The following DHX33 variants were observed in gnomAD, a reference collection of about 807,000 sequenced individuals.
The protein encoded by DHX33 is ATP-dependent RNA helicase DHX33.
In DHX33, 42 loss-of-function variants were observed where a neutral mutation model predicts 72.5. The observed-to-expected ratio is 0.58, with a 90% CI of 0.45 to 0.75. The LOEUF is 0.75. DHX33 is among the 30% of genes least tolerant of loss of function. The probability of loss-of-function intolerance (pLI) is 0.00; values close to 1 mark genes in which losing one functional copy is unlikely to be tolerated. For synonymous variants in DHX33, 358 were observed against 366.1 expected, an observed-to-expected ratio of 0.98 and a Z score of 0.25; for missense variants, 842 against 917.5, an observed-to-expected ratio of 0.92 and a Z score of 1.06.
At position 5,453,849 on chromosome 17, in the gene DHX33, CA is replaced by C; in HGVS notation, c.1278del (p.Phe426LeufsTer4). 6.2e-7 allele frequency: 1 copy of C among 1,614,104 alleles called. No individual in the cohort carries two copies. Among genetic ancestry groups the C allele is most frequent in the Non-Finnish European group, 8.5e-7 (1 of 1,179,996 alleles). On this transcript the variant is annotated frameshift_variant, in exon 7 of 12. Coordinates refer to ENST00000225296, the MANE Select transcript of DHX33 (RefSeq NM_020162.4). LOFTEE classifies it high-confidence loss of function. ...RLYTEDEFEK[F>X]DKMTVPEIQR... ...TGGATCTCTGGCACGGTCATCTTAT[CA>C]AACTTCTCAAACTCGTCCTCCGTGT...
Position 5,456,117 on chromosome 17 carries a change from G to C in DHX33, c.915C>G (p.Ser305Arg), listed in dbSNP as rs773261203. The C allele has an allele frequency of 1.9e-6, 3 of 1,614,108 alleles. No individual in the cohort carries two copies. In the Admixed American group the frequency reaches 5.0e-5, roughly 27 times the overall value. Residue 305 changes from serine (S) to arginine (R), a missense_variant, in exon 5 of 12, where the codon AGC (serine) becomes AGG (arginine). Ser to Arg is a moderately radical substitution (Grantham distance 110, BLOSUM62 -1). Transcript: ENST00000225296. ...LTGQEEIEAMSKTCRDIAKHL... is the reference protein window; with the variant it reads ...LTGQEEIEAMRKTCRDIAKHL... ...GCTTTGCAATGTCTCGGCACGTCTT[G>C]CTCATGGCTTCGATCTCCTCCTGCC...
chr17:5,455,535 C>T (rs1027148954), intron 5 of DHX33, among the ~76,000 whole-genome samples: 1 of 152,186 alleles, frequency 6.6e-6, no homozygotes, highest in Non-Finnish European at 1.5e-5. Context: ...GGGTTGGAAT[C>T]GTGGCCCTGC....
chr17:5,458,021 G>A (rs1904400714), intron 4 of DHX33, among the ~76,000 whole-genome samples: 1 of 152,220 alleles, frequency 6.6e-6, no homozygotes, highest in South Asian at 2.1e-4. Context: ...CTTGGCTAGA[G>A]GGAGGAAACT....
chr17:5,450,414 G>A lies in DHX33; in HGVS notation c.1525-8C>T, dbSNP rs1305036760. ...GGGGGACATGAGGATGGTCTGCAAA[G>A]CAAAATTTAAAATTGTGTAAACCCA... is the stretch of plus-strand genomic sequence containing the variant. On this transcript the variant is annotated splice_region_variant and splice_polypyrimidine_tract_variant and intron_variant, in intron 9 of 11. Coordinates refer to ENST00000225296, the MANE Select transcript of DHX33 (RefSeq NM_020162.4). The A allele has an allele frequency of 6.2e-7, 1 of 1,612,986 alleles. No individual in the cohort carries two copies. Among genetic ancestry groups the A allele is most frequent in the Admixed American group, 1.7e-5 (1 of 59,988 alleles).
chr17:5,443,912 A>G lies in DHX33; in HGVS notation c.*293T>C, dbSNP rs1916530285. 2 of 348,756 alleles carry G rather than the reference A, an allele frequency of 5.7e-6. No individual in the cohort carries two copies. Among genetic ancestry groups the G allele is most frequent in the South Asian group, 4.6e-5 (1 of 21,652 alleles). The allele number at this position is 348,756 out of a possible 1,614,324, so 21.6% of individuals were successfully genotyped here. The stretch of plus-strand genomic sequence containing the variant: ...TGAACCCAATTTTATAAGGATTATT[A>G]TTATTACTCCCATTTGGCAGATGAG... On this transcript the variant is annotated 3_prime_UTR_variant, in exon 12 of 12. Transcript: ENST00000225296.
In DHX33 at chr17:5,463,649, G is replaced by A. The variant is rs774425004; in HGVS notation, c.330C>T (p.Tyr110=). 5.8e-5 allele frequency: 93 copies of A among 1,613,464 alleles called. 1 individual carries two copies. In the South Asian group the frequency reaches 6.0e-4, roughly 10 times the overall value. Residue 110 remains tyrosine (Y), a synonymous_variant, in exon 2 of 12, where the codon TAC becomes TAT. Transcript: ENST00000225296. ...GGCGGCTGATCCCTCCTTCATACAGGTACTGAGGGATCTGAGTTGTCTTCC... is the reference window on the plus strand; with the variant it reads ...GGCGGCTGATCCCTCCTTCATACAGATACTGAGGGATCTGAGTTGTCTTCC... ...GSGKTTQIPQ[Y]LYEGGISRQG...
intron 1 of DHX33, among the ~76,000 whole-genome samples, chr17:5,467,800 T>C (rs944073772): frequency 6.6e-6 from 1 of 152,196 alleles, no homozygotes; most frequent in Non-Finnish European, 1.5e-5. Flanking sequence ...TATATACTCT[T>C]AGTCTGTAAG....
At position 5,443,936 on chromosome 17, in the gene DHX33, A is replaced by G. The variant is rs1916530862; in HGVS notation, c.*269T>C. On this transcript the variant is annotated 3_prime_UTR_variant, in exon 12 of 12. Transcript: ENST00000225296. The stretch of plus-strand genomic sequence containing the variant: ...TATTATTACTCCCATTTGGCAGATG[A>G]GAAAACTGAGGCTCAGGTGTTAAAT... The G allele has an allele frequency of 2.4e-6, 1 of 418,722 alleles. No individual in the cohort carries two copies. Among genetic ancestry groups the G allele is most frequent in the East Asian group, 4.1e-5 (1 of 24,316 alleles). 25.9% of individuals were successfully genotyped at this position (418,722 alleles called of 1,614,324 possible). A position where few individuals can be genotyped will look rare whatever the true frequency, so the allele number is the denominator to read the frequency against.
At chr17:5,461,216 C>A (rs1904591277) in intron 3 of DHX33, 107 bp from the exon 4 acceptor site, 2 of 1,190,662 alleles carry the variant, frequency 1.7e-6, no homozygotes, top group Non-Finnish European at 1.2e-6. Context: ...CCACCCCCAT[C>A]ACAGTTTACT....
intron 10 of DHX33, among the ~76,000 whole-genome samples, chr17:5,449,172 G>A (rs1338310676): frequency 6.6e-6 from 1 of 152,128 alleles, no homozygotes; most frequent in Middle Eastern, 3.2e-3. Flanking sequence ...AAAAAGAAAC[G>A]TAGGAAAATA....
At chr17:5,445,576 C>T (rs1211010523) in intron 11 of DHX33, among the ~76,000 whole-genome samples, 1 of 152,224 alleles carries the variant, frequency 6.6e-6, no homozygotes, top group Admixed American at 6.5e-5. Flanking sequence ...ATGTAACCTA[C>T]GCCCCTGGGC....
At chr17:5,466,712 T>C (rs1283087358) in intron 1 of DHX33, among the ~76,000 whole-genome samples, 1 of 152,226 alleles carries the variant, frequency 6.6e-6, no homozygotes, top group Non-Finnish European at 1.5e-5. Flanking sequence ...GCTTTGCAGC[T>C]AGGTAAAACC....
intron 11 of DHX33, among the ~76,000 whole-genome samples, chr17:5,446,345 C>G (rs1418026132): frequency 6.6e-6 from 1 of 152,168 alleles, no homozygotes. Flanking sequence ...TCCAAGAAGC[C>G]CCAGAGGCTA....
chr17:5,444,196 TG>T lies in DHX33; in HGVS notation c.*8del, dbSNP rs1567595330. On this transcript the variant is annotated 3_prime_UTR_variant, in exon 12 of 12. Transcript: ENST00000225296. This position sits in a 1 kb window ranked among gnomAD's most constrained non-coding sequence, Gnocchi z 4.9. ...GGGACCAGTGATTCTGGCGGCATCC[TG>T]GGGCGGCTCAGTTTCTGGCGGTTCT... The T allele has an allele frequency of 1.2e-6, 2 of 1,609,408 alleles. No homozygotes were observed. The highest frequency in any genetic ancestry group is 1.7e-5 in the Admixed American group (1 of 59,914).
chr17:5,448,672 CTTCCTT>C (rs1007326799), intron 11 of DHX33, 131 bp downstream of exon 11: 76 of 539,030 alleles, frequency 1.4e-4, no homozygotes, highest in African/African-American at 1.4e-3. Context: ...TTGTGGGTAA[CTTCCTT>C]TTTTCTTATT....
chr17:5,456,987 A>C (rs1049635384), intron 4 of DHX33, among the ~76,000 whole-genome samples: 5 of 152,344 alleles, frequency 3.3e-5, no homozygotes, highest in Non-Finnish European at 7.3e-5. Context: ...AGTGTGAATG[A>C]CATACCTAAT....
At chr17:5,448,256 G>T (rs112489867) in intron 11 of DHX33, among the ~76,000 whole-genome samples, 3 of 152,234 alleles carry the variant, frequency 2.0e-5, no homozygotes, top group African/African-American at 7.2e-5. Context: ...GGAAGTTGTG[G>T]AACATGTACC....
At chr17:5,459,061 G>A (rs1904461491) in intron 4 of DHX33, among the ~76,000 whole-genome samples, 1 of 152,068 alleles carries the variant, frequency 6.6e-6, no homozygotes, top group Non-Finnish European at 1.5e-5. Context: ...TTAGCCAGGT[G>A]TACTGGTGTG....
intron 9 of DHX33, 139 bp downstream of exon 9, chr17:5,450,668 G>A: frequency 7.6e-7 from 1 of 1,317,640 alleles, no homozygotes; most frequent in Non-Finnish European, 1.1e-6. Flanking sequence ...ACATGAATCA[G>A]GGCTATTTGC....
Sources: allele counts gnomAD v4.1 joint callset (sites outside exome capture counted in the v4.1 genomes callset), GRCh38; gene constraint gnomAD v4.1.1; non-coding constraint Gnocchi (gnomAD v3.1); transcripts MANE v1.5; gene names NCBI Gene and HGNC (gene_info 2026-07-23, HGNC 2026-07-21).